The following SLC4A4 variants were observed in gnomAD, a reference collection of about 807,000 sequenced individuals.
SLC4A4 encodes the protein solute carrier family 4 member 4.
In SLC4A4, 27 loss-of-function variants were observed where a neutral mutation model predicts 111.5. The observed-to-expected ratio is 0.24, with a 90% CI of 0.18 to 0.33. The LOEUF (loss-of-function observed/expected upper bound fraction) is 0.33. SLC4A4 is among the 10% of genes least tolerant of loss of function. The pLI is 1.00. For missense variants in SLC4A4, 909 were observed against 1,315.5 expected (o/e 0.69, Z 4.78); for synonymous variants, 443 against 463.4 (o/e 0.96, Z 0.57).
Position 71,360,871 on chromosome 4 carries a change from G to A in SLC4A4, c.730+3684G>A, listed in dbSNP as rs564900969. The stretch of plus-strand genomic sequence containing the variant: ...GACGGGGTTCTTGTCACACGACCAC[G>A]AAAAATTAGGCTTGCACACAATTTG... On this transcript the variant is annotated intron_variant, in intron 6 of 25. Coordinates refer to ENST00000264485, the MANE Select transcript of SLC4A4 (RefSeq NM_001098484.3). Among the ~76,000 whole-genome samples the A allele has an allele frequency of 5.9e-5, 9 of 152,174 alleles. No individual in the cohort carries two copies. The South Asian group carries it at 1.9e-3, about 32-fold the overall frequency.
intron 21 of SLC4A4, among the ~76,000 whole-genome samples, chr4:71,556,548 T>C (rs1736489253): frequency 6.6e-6 from 1 of 151,976 alleles, no homozygotes; most frequent in African/African-American, 2.4e-5. Context: ...CACATAATAA[T>C]GATGGGGAAA....
At chr4:71,123,701 G>A (rs534734967) in intron 2 of SLC4A4, among the ~76,000 whole-genome samples, 5 of 152,226 alleles carry the variant, frequency 3.3e-5, no homozygotes, top group South Asian at 4.1e-4. Flanking sequence ...TCATTCTGTC[G>A]TGTCTTATTT....
intron 6 of SLC4A4, among the ~76,000 whole-genome samples, chr4:71,382,640 A>G (rs1321496268): frequency 2.0e-5 from 3 of 152,210 alleles, no homozygotes; most frequent in Admixed American, 6.5e-5. Flanking sequence ...CACTCAAAGT[A>G]TGTAAATGGA....
At position 71,568,184 on chromosome 4, in the gene SLC4A4, C is replaced by A; in HGVS notation, c.*433C>A. 1 of 268,806 alleles carries A rather than the reference C, an allele frequency of 3.7e-6. No homozygotes were observed. Among genetic ancestry groups the A allele is most frequent in the Non-Finnish European group, 7.0e-6 (1 of 143,084 alleles). 16.7% of individuals were successfully genotyped at this position (268,806 alleles called of 1,614,324 possible). A position where few individuals can be genotyped will look rare whatever the true frequency, so the allele number is the denominator to read the frequency against. On this transcript the variant is annotated 3_prime_UTR_variant, in exon 26 of 26. Coordinates refer to ENST00000264485, the MANE Select transcript of SLC4A4 (RefSeq NM_001098484.3). Reference sequence around the variant, plus strand: ...CACGCACAGACCCTGTCCTTTGCCTCTATTAAGCAGAGGATGGAAGTATTA... The same window carrying A: ...CACGCACAGACCCTGTCCTTTGCCTATATTAAGCAGAGGATGGAAGTATTA...
chr4:71,546,645 C>T (rs1404862381), intron 19 of SLC4A4, 117 bp downstream of exon 19: 1 of 922,658 alleles, frequency 1.1e-6, no homozygotes, highest in Non-Finnish European at 1.7e-6. Flanking sequence ...TTAATTTATT[C>T]CTATATTTTT....
intron 1 of SLC4A4, among the ~76,000 whole-genome samples, chr4:71,082,717 AT>A (rs761557226): frequency 1.4e-4 from 21 of 151,984 alleles, no homozygotes; most frequent in Non-Finnish European, 2.8e-4. Flanking sequence ...AAATCAATAC[AT>A]TACAGATACA....
At chr4:71,324,118 G>A (rs991762567) in intron 3 of SLC4A4, among the ~76,000 whole-genome samples, 1 of 151,956 alleles carries the variant, frequency 6.6e-6, no homozygotes, top group Admixed American at 6.6e-5. Flanking sequence ...GCAGTCTTAC[G>A]ATATGCAGAT....
intron 1 of SLC4A4, among the ~76,000 whole-genome samples, chr4:71,203,053 G>A (rs1406005799): frequency 1.3e-5 from 2 of 152,040 alleles, no homozygotes; most frequent in African/African-American, 4.8e-5. Context: ...ACATTTTGGC[G>A]GAGGGTGGTG....
At chr4:71,304,851 A>G (rs1051182661) in intron 3 of SLC4A4, among the ~76,000 whole-genome samples, 2 of 152,250 alleles carry the variant, frequency 1.3e-5, no homozygotes, top group South Asian at 4.1e-4. Context: ...GTATTTACTG[A>G]AAAACCTTAC....
At chr4:71,156,582 G>GCACA (rs562437625) in intron 2 of SLC4A4, among the ~76,000 whole-genome samples, 310 of 111,954 alleles carry the variant, frequency 2.8e-3, no homozygotes, top group South Asian at 0.02. Context: ...ATGCGCGCGC[G>GCACA]CGCGCGCACA....
chr4:71,339,162 A>G, intron 3 of SLC4A4: 1 of 1,613,472 alleles, frequency 6.2e-7, no homozygotes, highest in Non-Finnish European at 8.5e-7. Context: ...TGGAGAACCA[A>G]GATACAGTTC....
chr4:71,210,610 A>G (rs532705820), intron 1 of SLC4A4, among the ~76,000 whole-genome samples: 2 of 152,320 alleles, frequency 1.3e-5, no homozygotes, highest in Non-Finnish European at 2.9e-5. Context: ...ACTTACCCCA[A>G]GGAAAATCTT....
At chr4:71,128,882 G>C (rs1462439138) in intron 2 of SLC4A4, among the ~76,000 whole-genome samples, 1 of 152,096 alleles carries the variant, frequency 6.6e-6, no homozygotes, top group Non-Finnish European at 1.5e-5. Context: ...TTCTACCCTA[G>C]TGTCTTAGTA....
At chr4:71,541,679 A>T (rs901389925) in intron 18 of SLC4A4, among the ~76,000 whole-genome samples, 2 of 150,986 alleles carry the variant, frequency 1.3e-5, no homozygotes, top group South Asian at 4.2e-4. Flanking sequence ...TGCATTTGAA[A>T]CACTCAGTCT....
At chr4:71,488,410 T>C (rs1045053241) in intron 15 of SLC4A4, among the ~76,000 whole-genome samples, 1 of 151,602 alleles carries the variant, frequency 6.6e-6, no homozygotes, top group Non-Finnish European at 1.5e-5. Flanking sequence ...AAATGGAAGT[T>C]CTGATTGACT....
chr4:71,158,133 GTGTGTGTGTC>G (rs1245264025), intron 2 of SLC4A4, among the ~76,000 whole-genome samples: 2 of 150,758 alleles, frequency 1.3e-5, no homozygotes, highest in Non-Finnish European at 3.0e-5. Context: ...GTGTGTGTGT[GTGTGTGTGTC>G]TCTCTCTCTC....
chr4:71,503,216 T>C (rs1183276731), intron 16 of SLC4A4, among the ~76,000 whole-genome samples: 5 of 151,692 alleles, frequency 3.3e-5, no homozygotes, highest in Non-Finnish European at 7.4e-5. Flanking sequence ...TGAGGGGATC[T>C]CTAGTAGGCA....
chr4:71,289,571 A>G (rs190597955), intron 3 of SLC4A4, among the ~76,000 whole-genome samples: 3 of 152,314 alleles, frequency 2.0e-5, no homozygotes, highest in Admixed American at 1.3e-4. Flanking sequence ...AAAGTAACAT[A>G]TCAATAAGTG....
intron 2 of SLC4A4, among the ~76,000 whole-genome samples, chr4:71,111,274 T>C (rs1743077038): frequency 6.6e-6 from 1 of 152,172 alleles, no homozygotes; most frequent in African/African-American, 2.4e-5. Context: ...CTACAAATAT[T>C]TCCTGCTTTT....
Sources: gnomAD v4.1 joint callset for allele counts (sites outside exome capture counted in the v4.1 genomes callset) on GRCh38, gnomAD v4.1.1 for gene constraint, MANE v1.5 for transcripts, NCBI Gene and HGNC (gene_info 2026-07-23, HGNC 2026-07-21) for gene names.